ZZEF1: variants seen among roughly 807,000 people sequenced by gnomAD.
ZZEF1 encodes the protein zinc finger ZZ-type and EF-hand domain-containing protein 1.
Under a neutral mutation model 342.8 loss-of-function variants are expected in ZZEF1, and 157 were observed. The observed-to-expected ratio is 0.46, with a 90% CI of 0.40 to 0.52. ZZEF1 has a LOEUF of 0.52. Among genes scored for constraint, ZZEF1 ranks in the 20% least tolerant of loss-of-function variants. The pLI, the probability that ZZEF1 is intolerant of heterozygous loss-of-function variation, is 0.00. For missense variants in ZZEF1, 3,480 were observed against 3,725.6 expected, an observed-to-expected ratio of 0.93 and a Z score of 1.72; for synonymous variants, 1,505 against 1,429.1, an observed-to-expected ratio of 1.05 and a Z score of -1.20.
At chr17:4,020,678 C>T (rs989120396) in intron 45 of ZZEF1, among the ~76,000 whole-genome samples, 1 of 152,188 alleles carries the variant, frequency 6.6e-6, no homozygotes, top group Non-Finnish European at 1.5e-5. Context: ...ATTCTGTTTA[C>T]TCTTCATTTA....
In ZZEF1 at chr17:4,078,020, C is replaced by A. The variant is rs2057656180; in HGVS notation, c.2852G>T (p.Gly951Val). ...CACAGAGCCCACCTCCCCTGGGGCC[C>A]CACTGAGCATTAACAGCTCGCACTA... The part of the protein sequence containing the change: ...ARECELLMLS[G>V]APGEVGSVLF... The change falls in exon 19 of 55, where the codon GGG becomes GTG. Residue 951 changes from glycine (G) to valine (V), a missense_variant. By Grantham distance (109) the Gly-to-Val change is moderately radical. This residue lies in a region of ZZEF1 where 1,528 missense variants were observed against 1,624.1 expected (regional missense o/e 0.94). Coordinates refer to ENST00000381638, the MANE Select transcript of ZZEF1 (RefSeq NM_015113.4). The A allele has an allele frequency of 6.2e-7, 1 of 1,613,790 alleles. No individual in the cohort carries two copies. The highest frequency in any genetic ancestry group is 1.7e-5 in the Admixed American group (1 of 59,996).
Position 4,058,149 on chromosome 17 carries a change from C to G in ZZEF1, c.5010G>C (p.Leu1670Phe). Residue 1670 changes from leucine to phenylalanine, a missense_variant, in exon 32 of 55, where the codon TTG (leucine) becomes TTC (phenylalanine). Around this residue, in one of 5 missense-constraint regions of ZZEF1, gnomAD observed 1,528 missense variants for 1,624.1 expected, o/e 0.94. Transcript: ENST00000381638. ...KGFSSLNDRS[L>F]LPALSCVQTA... The stretch of plus-strand genomic sequence containing the variant: ...TCTGAACACAGGATAAGGCAGGGAG[C>G]AAGGACCTAAAGGGCCATGAAAGTG... 6.2e-7 allele frequency: 1 copy of G among 1,612,554 alleles called. No homozygotes were observed. Among genetic ancestry groups the G allele is most frequent in the Non-Finnish European group, 8.5e-7 (1 of 1,179,186 alleles).
At chr17:4,082,119 T>A (rs1338073119) in intron 17 of ZZEF1, among the ~76,000 whole-genome samples, 2 of 152,206 alleles carry the variant, frequency 1.3e-5, no homozygotes, top group East Asian at 3.9e-4. Flanking sequence ...CTGTAGCTGG[T>A]TTTAACGTGA....
At position 4,049,733 on chromosome 17, in the gene ZZEF1, C is replaced by A. The variant is rs1312747450; in HGVS notation, c.5990G>T (p.Gly1997Val). Residue 1997 changes from glycine (G) to valine (V), a missense_variant, in exon 37 of 55, where the codon GGT (glycine) becomes GTT (valine). Coordinates refer to ENST00000381638, the MANE Select transcript of ZZEF1 (RefSeq NM_015113.4). ...EEQLEKKAVQ[G>V]AELSEAGNGK... The stretch of plus-strand genomic sequence containing the variant: ...ATTGCCTGCTTCTGACAGCTCAGCA[C>A]CCTGGACAGCTTTCTTCTCTAGCTG... 6.2e-7 allele frequency: 1 copy of A among 1,613,980 alleles called. No homozygotes were observed. The highest frequency in any genetic ancestry group is 8.5e-7 in the Non-Finnish European group (1 of 1,180,018).
chr17:4,120,305 C>T (rs993463157), intron 2 of ZZEF1, among the ~76,000 whole-genome samples: 4 of 151,232 alleles, frequency 2.6e-5, no homozygotes, highest in African/African-American at 4.9e-5. Context: ...TGCAGCGAGC[C>T]GAGACTGCGC....
At chr17:4,080,814 C>A (rs1332065965) in intron 18 of ZZEF1, among the ~76,000 whole-genome samples, 1 of 152,174 alleles carries the variant, frequency 6.6e-6, no homozygotes, top group East Asian at 1.9e-4. Flanking sequence ...CCTCTTTTTC[C>A]ACAGGAAGCA....
rs1017912769 is a variant in ZZEF1 at position 4,014,145 on chromosome 17, G to A, written c.8358C>T (p.Thr2786=). 6.8e-6 allele frequency: 11 copies of A among 1,614,022 alleles called. No individual in the cohort carries two copies. Among genetic ancestry groups the A allele is most frequent in the Admixed American group, 1.7e-5 (1 of 59,998 alleles). Residue 2786 remains threonine, a synonymous_variant, in exon 51 of 55, where the codon ACC becomes ACT. Coordinates refer to ENST00000381638, the MANE Select transcript of ZZEF1 (RefSeq NM_015113.4). The surrounding 1 kb of genome is among the most constrained non-coding windows in gnomAD (Gnocchi z 4.4). ...TCACGGTGAATCTGTAGCCCCACTC[G>A]GTGTTGCTCATGTCGGAGGTGAAGC... ...YYRFTSDMSN[T]EWGYRFTVTA...
At chr17:4,051,482 G>A (rs750809341) in intron 35 of ZZEF1, among the ~76,000 whole-genome samples, 3 of 152,006 alleles carry the variant, frequency 2.0e-5, no homozygotes, top group African/African-American at 2.4e-5. Flanking sequence ...GTGCAGTGGC[G>A]CAGTCTCAGC....
intron 1 of ZZEF1, among the ~76,000 whole-genome samples, chr17:4,124,837 T>G (rs933604680): frequency 6.6e-6 from 1 of 152,116 alleles, no homozygotes; most frequent in Non-Finnish European, 1.5e-5. Context: ...AACCTTTAAT[T>G]GTAATCTAGC....
Position 4,009,448 on chromosome 17 carries a change from G to T in ZZEF1, c.8733+156C>A, listed in dbSNP as rs1447782460. ...TGAGGGTTTCCCAGGCCTGGGAGAGGCGAGAGCCTCAGACTCTCAGCCATG... is the reference window on the plus strand; with the variant it reads ...TGAGGGTTTCCCAGGCCTGGGAGAGTCGAGAGCCTCAGACTCTCAGCCATG... On this transcript the variant is annotated intron_variant, in intron 53 of 54. Transcript: ENST00000381638. The T allele has an allele frequency of 1.2e-5, 12 of 1,027,038 alleles. No homozygotes were observed. In the Admixed American group the frequency reaches 1.7e-4, roughly 15 times the overall value. The allele number at this position is 1,027,038 out of a possible 1,614,324, so 63.6% of individuals were successfully genotyped here.
intron 24 of ZZEF1, 122 bp from the exon 25 acceptor site, chr17:4,072,878 C>T: frequency 1.0e-6 from 1 of 987,776 alleles, no homozygotes; most frequent in Non-Finnish European, 1.5e-6. Context: ...AGAAAGTTTA[C>T]CCACATACCA....
At position 4,014,330 on chromosome 17, in the gene ZZEF1, AGTATTT is replaced by A. The variant is rs1243367021; in HGVS notation, c.8314+11_8314+16del. On this transcript the variant is annotated intron_variant, in intron 50 of 54. Transcript: ENST00000381638. This position sits in a 1 kb window ranked among gnomAD's most constrained non-coding sequence, Gnocchi z 4.4. Reference sequence around the variant, plus strand: ...TGCCTGTGAAGAACCTATCTAATCGAGTATTTGTTTCACTACCTGGAAGTTCAAAAT... The same window carrying A: ...TGCCTGTGAAGAACCTATCTAATCGAGTTTCACTACCTGGAAGTTCAAAAT... 2 of 1,613,996 alleles carry A rather than the reference AGTATTT, an allele frequency of 1.2e-6. No individual in the cohort carries two copies. The highest frequency in any genetic ancestry group is 1.7e-6 in the Non-Finnish European group (2 of 1,179,926).
chr17:4,138,237 C>T (rs1445431415), intron 1 of ZZEF1, among the ~76,000 whole-genome samples: 2 of 152,202 alleles, frequency 1.3e-5, no homozygotes, highest in Admixed American at 6.5e-5. Context: ...ACAGCTCTTA[C>T]AGTCAATAGT....
At chr17:4,096,767 C>CA in intron 9 of ZZEF1, 67 bp from the exon 10 acceptor site, 1 of 1,257,654 alleles carries the variant, frequency 8.0e-7, no homozygotes, top group Admixed American at 1.7e-5. Flanking sequence ...CTAAGATCAA[C>CA]AAAAACAAAC....
chr17:4,121,242 G>A (rs978803638), intron 2 of ZZEF1, among the ~76,000 whole-genome samples: 26 of 152,206 alleles, frequency 1.7e-4, no homozygotes, highest in Non-Finnish European at 3.2e-4. Context: ...AAAACTGTCT[G>A]AGGTGTCCAA....
intron 18 of ZZEF1, among the ~76,000 whole-genome samples, chr17:4,078,722 A>G (rs1165054289): frequency 1.4e-4 from 22 of 152,192 alleles, no homozygotes; most frequent in Non-Finnish European, 4.4e-5. Context: ...TGTTGCAACT[A>G]CCTGATGACA....
chr17:4,114,580 A>G, intron 3 of ZZEF1, 110 bp from the exon 4 acceptor site: 1 of 914,112 alleles, frequency 1.1e-6, no homozygotes, highest in Non-Finnish European at 1.5e-6. Context: ...CCCTAGAAAC[A>G]CAAATCTTCC....
intron 1 of ZZEF1, among the ~76,000 whole-genome samples, chr17:4,128,753 C>T (rs1451503568): frequency 1.4e-5 from 2 of 146,896 alleles, no homozygotes; most frequent in Non-Finnish European, 1.5e-5. Context: ...TGAGCTACTG[C>T]GCCTGGCCAA....
intron 2 of ZZEF1, 100 bp downstream of exon 2, chr17:4,123,807 G>C (rs552712676): frequency 1.5e-6 from 2 of 1,354,242 alleles, no homozygotes; most frequent in African/African-American, 2.9e-5. Flanking sequence ...AACACTGTTG[G>C]GGGAGTTTAC....
Sources: gnomAD v4.1 joint callset for allele counts (sites outside exome capture counted in the v4.1 genomes callset) on GRCh38, gnomAD v4.1.1 for gene constraint, gnomAD v4.1.1 regional missense constraint, Gnocchi (gnomAD v3.1) non-coding constraint, MANE v1.5 for transcripts, NCBI Gene and HGNC (gene_info 2026-07-23, HGNC 2026-07-21) for gene names.